PRKD1: variants seen among roughly 807,000 people sequenced by gnomAD.
PRKD1 encodes the protein serine/threonine-protein kinase D1.
In PRKD1, 63 loss-of-function variants were observed where a neutral mutation model predicts 95.9. The observed-to-expected ratio is 0.66, with a 90% CI of 0.54 to 0.81. The LOEUF (loss-of-function observed/expected upper bound fraction) is 0.81, where lower values mean the gene tolerates loss of function less well. Ranked by LOEUF, PRKD1 falls within the 30% of genes least tolerant of loss-of-function variation. PRKD1 has a pLI of 0.00. For missense variants in PRKD1, 1,048 were observed against 1,165.3 expected, an observed-to-expected ratio of 0.90 and a Z score of 1.47; for synonymous variants, 425 against 423.1, an observed-to-expected ratio of 1.00 and a Z score of -0.05.
At chr14:29,815,643 C>T (rs192299894) in intron 1 of PRKD1, among the ~76,000 whole-genome samples, 43 of 152,290 alleles carry the variant, frequency 2.8e-4, no homozygotes, top group Non-Finnish European at 5.7e-4. Context: ...GTCTCCCAGT[C>T]TCAAGGTTTT....
chr14:29,599,332 C>G (rs1171557763), intron 14 of PRKD1, among the ~76,000 whole-genome samples: 5 of 152,122 alleles, frequency 3.3e-5, no homozygotes, highest in Non-Finnish European at 5.9e-5. Flanking sequence ...GCGGCCAAGA[C>G]AGATGTAGAT....
At chr14:29,672,240 C>G (rs1054815085) in intron 2 of PRKD1, among the ~76,000 whole-genome samples, 8 of 151,764 alleles carry the variant, frequency 5.3e-5, no homozygotes, top group Non-Finnish European at 7.4e-5. Flanking sequence ...ATTTGGGAGG[C>G]TGAGGCAGGA....
intron 1 of PRKD1, among the ~76,000 whole-genome samples, chr14:29,766,572 T>G (rs1056760349): frequency 3.3e-5 from 5 of 152,216 alleles, no homozygotes; most frequent in African/African-American, 1.2e-4. Flanking sequence ...GTCACATAAC[T>G]GTTCTCAACC....
intron 4 of PRKD1, among the ~76,000 whole-genome samples, chr14:29,657,161 G>C (rs531223322): frequency 6.6e-6 from 1 of 151,958 alleles, no homozygotes; most frequent in Non-Finnish European, 1.5e-5. Context: ...TTCAAAAGCA[G>C]TAAGGTTACT....
At chr14:29,769,196 A>G (rs1269711061) in intron 1 of PRKD1, among the ~76,000 whole-genome samples, 1 of 152,194 alleles carries the variant, frequency 6.6e-6, no homozygotes. Flanking sequence ...CGGTAGACCT[A>G]TCCTTCATGG....
intron 1 of PRKD1, among the ~76,000 whole-genome samples, chr14:29,753,405 A>G (rs945411984): frequency 6.6e-6 from 1 of 152,128 alleles, no homozygotes; most frequent in African/African-American, 2.4e-5. Context: ...CTAGGTAAGA[A>G]GTCAACATCA....
intron 1 of PRKD1, among the ~76,000 whole-genome samples, chr14:29,863,720 C>T (rs1342332166): frequency 6.6e-6 from 1 of 152,078 alleles, no homozygotes; most frequent in Non-Finnish European, 1.5e-5. Flanking sequence ...CTTCTCTCCC[C>T]CTTGGTTTTC....
intron 4 of PRKD1, among the ~76,000 whole-genome samples, chr14:29,652,075 C>T (rs1881540308): frequency 6.6e-6 from 1 of 152,042 alleles, no homozygotes; most frequent in Admixed American, 6.6e-5. Context: ...GGTAGCAGTT[C>T]AGAAGTTATG....
At chr14:29,902,525 G>GT in intron 1 of PRKD1, among the ~76,000 whole-genome samples, 1 of 152,048 alleles carries the variant, frequency 6.6e-6, no homozygotes, top group Non-Finnish European at 1.5e-5. Flanking sequence ...CTATTTTTTG[G>GT]TTTTTTATTC....
intron 1 of PRKD1, among the ~76,000 whole-genome samples, chr14:29,776,404 T>C (rs1238410056): frequency 3.3e-5 from 5 of 152,124 alleles, no homozygotes; most frequent in Non-Finnish European, 7.4e-5. Flanking sequence ...TGAAAAAAGA[T>C]TACACGAATG....
chr14:29,801,122 AC>A (rs1211361775), intron 1 of PRKD1, among the ~76,000 whole-genome samples: 4 of 151,938 alleles, frequency 2.6e-5, no homozygotes, highest in African/African-American at 4.8e-5. Context: ...CATTGTAGAG[AC>A]TGGAAAATCC....
At chr14:29,700,988 G>GCACACACACACACACACACACA (rs1555337072) in intron 2 of PRKD1, among the ~76,000 whole-genome samples, 148 of 90,590 alleles carry the variant, frequency 1.6e-3, no homozygotes, top group African/African-American at 2.0e-3. Flanking sequence ...GCGCGCGCGC[G>GCACACACACACACACACACACA]CACACACACA....
chr14:29,666,896 G>T (rs1487678843), intron 2 of PRKD1, among the ~76,000 whole-genome samples: 5 of 152,090 alleles, frequency 3.3e-5, no homozygotes, highest in Non-Finnish European at 7.4e-5. Flanking sequence ...ATGTTGTAGG[G>T]AACTTTTTGG....
intron 4 of PRKD1, among the ~76,000 whole-genome samples, chr14:29,662,869 T>C (rs1017147142): frequency 1.6e-4 from 25 of 151,772 alleles, no homozygotes; most frequent in Admixed American, 1.1e-3. Flanking sequence ...CATCGGGAGA[T>C]AGAGGGGGTA....
intron 13 of PRKD1, among the ~76,000 whole-genome samples, chr14:29,607,159 TCC>T (rs1299761930): frequency 1.3e-5 from 2 of 152,124 alleles, no homozygotes. Flanking sequence ...GGGCCCAATG[TCC>T]CCCTTTAGTT....
At chr14:29,792,447 T>C (rs1278621729) in intron 1 of PRKD1, among the ~76,000 whole-genome samples, 2 of 152,156 alleles carry the variant, frequency 1.3e-5, no homozygotes, top group African/African-American at 2.4e-5. Flanking sequence ...ACTGTGAACA[T>C]TTCACATATC....
chr14:29,638,794 C>T lies in PRKD1; in HGVS notation c.807G>A (p.Val269=). 6.3e-7 allele frequency: 1 copy of T among 1,575,136 alleles called. No individual in the cohort carries two copies. Residue 269 remains valine (V), a synonymous_variant, in exon 5 of 18, where the codon GTG becomes GTA. Coordinates refer to ENST00000331968, the MANE Select transcript of PRKD1 (RefSeq NM_002742.3). ...AGGAGTGGATGACAAATGTGTGCGGCACTTTAACTTTAGACATCAAAATCT... is the reference window on the plus strand; with the variant it reads ...AGGAGTGGATGACAAATGTGTGCGGTACTTTAACTTTAGACATCAAAATCT... The part of the protein sequence containing the change: ...LDKILMSKVK[V]PHTFVIHSYT...
chr14:29,753,537 C>T (rs1263544555), intron 1 of PRKD1, among the ~76,000 whole-genome samples: 1 of 152,040 alleles, frequency 6.6e-6, no homozygotes, highest in African/African-American at 2.4e-5. Context: ...AGAACTCATT[C>T]CCCTTTCTTT....
chr14:29,908,198 C>A (rs1362316089), intron 1 of PRKD1, among the ~76,000 whole-genome samples: 1 of 149,532 alleles, frequency 6.7e-6, no homozygotes, highest in African/African-American at 2.5e-5. Flanking sequence ...AGCAAAGAAT[C>A]ATTATAATTC....
Sources: allele counts gnomAD v4.1 joint callset (sites outside exome capture counted in the v4.1 genomes callset), GRCh38; gene constraint gnomAD v4.1.1; transcripts MANE v1.5; gene names NCBI Gene and HGNC (gene_info 2026-07-23, HGNC 2026-07-21).